RIMS2: variants seen among roughly 807,000 people sequenced by gnomAD.
RIMS2 encodes regulating synaptic membrane exocytosis protein 2.
A neutral mutation model predicts 174.4 loss-of-function variants in RIMS2; 59 were observed. The ratio of observed to expected loss-of-function variants is 0.34; its 90% confidence interval spans 0.27 to 0.42. RIMS2 has a LOEUF of 0.42. Ranked by LOEUF, RIMS2 falls within the 10% of genes least tolerant of loss-of-function variation. The probability of loss-of-function intolerance (pLI) is 1.00; values close to 1 mark genes in which losing one functional copy is unlikely to be tolerated. For missense variants in RIMS2, 1,620 were observed against 1,666.3 expected (o/e 0.97, Z 0.48); for synonymous variants, 606 against 572.5 (o/e 1.06, Z -0.84).
chr8:103,558,082 T>C (rs2090847072), intron 1 of RIMS2, among the ~76,000 whole-genome samples: 1 of 152,086 alleles, frequency 6.6e-6, no homozygotes, highest in Admixed American at 6.6e-5. Context: ...TTTTAACAAG[T>C]CAGCAAACTA....
At chr8:104,235,297 C>T (rs889202736) in intron 19 of RIMS2, among the ~76,000 whole-genome samples, 11 of 152,088 alleles carry the variant, frequency 7.2e-5, no homozygotes, top group African/African-American at 2.7e-4. Context: ...CTTTGAGAAG[C>T]AAGCTTAGGT....
intron 1 of RIMS2, among the ~76,000 whole-genome samples, chr8:103,687,799 A>G (rs1271914900): frequency 6.6e-6 from 1 of 152,096 alleles, no homozygotes; most frequent in Admixed American, 6.6e-5. Context: ...ACTTAACATA[A>G]TGTCCTCTGA....
At chr8:104,063,991 T>G (rs1290130927) in intron 19 of RIMS2, among the ~76,000 whole-genome samples, 1 of 152,178 alleles carries the variant, frequency 6.6e-6, no homozygotes, top group Non-Finnish European at 1.5e-5. Context: ...ATGATCTTTG[T>G]AGTACATGCG....
intron 19 of RIMS2, among the ~76,000 whole-genome samples, chr8:104,128,174 A>G (rs563368911): frequency 9.9e-5 from 15 of 152,270 alleles, no homozygotes; most frequent in East Asian, 1.9e-4. Context: ...ATGATCTGGC[A>G]CTAAATTTAA....
chr8:104,189,689 T>G (rs945766401), intron 19 of RIMS2, among the ~76,000 whole-genome samples: 2 of 150,918 alleles, frequency 1.3e-5, no homozygotes, highest in Non-Finnish European at 3.0e-5. Flanking sequence ...ATATACGCAT[T>G]TAAATTATAC....
At chr8:103,846,964 T>A (rs1211370397) in intron 3 of RIMS2, among the ~76,000 whole-genome samples, 1 of 152,130 alleles carries the variant, frequency 6.6e-6, no homozygotes, top group African/African-American at 2.4e-5. Context: ...CTAACCTGAA[T>A]GTCAAACATA....
At chr8:104,122,646 A>T (rs1290906119) in intron 19 of RIMS2, among the ~76,000 whole-genome samples, 1 of 152,182 alleles carries the variant, frequency 6.6e-6, no homozygotes, top group Non-Finnish European at 1.5e-5. Context: ...CCTGAAGCTA[A>T]TTGGAGAATG....
chr8:104,196,771 C>T (rs2136697870), intron 19 of RIMS2, among the ~76,000 whole-genome samples: 2 of 141,102 alleles, frequency 1.4e-5, no homozygotes, highest in Admixed American at 1.4e-4. Flanking sequence ...GATATAGATG[C>T]TTAACAAATA....
intron 16 of RIMS2, among the ~76,000 whole-genome samples, chr8:103,982,494 A>AG (rs1242195578): frequency 6.6e-6 from 1 of 151,160 alleles, no homozygotes; most frequent in African/African-American, 2.4e-5. Context: ...AGAAATCCAA[A>AG]AAAAAAAAAA....
intron 19 of RIMS2, among the ~76,000 whole-genome samples, chr8:104,028,836 C>T (rs764457866): frequency 1.5e-4 from 23 of 152,124 alleles, no homozygotes; most frequent in Admixed American, 1.2e-3. Flanking sequence ...AGAGGATTCT[C>T]GTATCTCAAA....
rs182779838 is a variant in RIMS2 at position 103,703,216 on chromosome 8, C to T, written c.387+5920C>T. Among the ~76,000 whole-genome samples the T allele has an allele frequency of 7.9e-5, 12 of 151,444 alleles. No individual in the cohort carries two copies. The East Asian group carries it at 9.7e-4, about 12-fold the overall frequency. On this transcript the variant is annotated intron_variant, in intron 2 of 23. Coordinates refer to ENST00000504942, the Ensembl canonical transcript of RIMS2. Reference sequence around the variant, plus strand: ...CTGGCTGGTTTCACTCTCACACTTCCGTCATTGTTTTTGTTTGTTTGTTTG... The same window carrying T: ...CTGGCTGGTTTCACTCTCACACTTCTGTCATTGTTTTTGTTTGTTTGTTTG...
At chr8:103,836,694 A>G (rs2098895082) in intron 3 of RIMS2, among the ~76,000 whole-genome samples, 1 of 152,220 alleles carries the variant, frequency 6.6e-6, no homozygotes, top group Admixed American at 6.5e-5. Flanking sequence ...ATGAACATAA[A>G]AATAGGACAC....
At chr8:103,501,977 A>G (rs1291101581) in intron 1 of RIMS2, among the ~76,000 whole-genome samples, 4 of 152,234 alleles carry the variant, frequency 2.6e-5, no homozygotes, top group Middle Eastern at 3.4e-3. Flanking sequence ...TAGCAAAGAG[A>G]TTTGTTTCTA....
At chr8:103,624,628 A>G (rs926420963) in intron 1 of RIMS2, among the ~76,000 whole-genome samples, 4 of 152,220 alleles carry the variant, frequency 2.6e-5, no homozygotes, top group African/African-American at 9.6e-5. Context: ...TATAGGTAAT[A>G]TTAATAGTGG....
At chr8:103,744,266 G>T (rs1284920166) in intron 2 of RIMS2, among the ~76,000 whole-genome samples, 1 of 151,836 alleles carries the variant, frequency 6.6e-6, no homozygotes, top group Non-Finnish European at 1.5e-5. Flanking sequence ...GGATGGTCTC[G>T]ATCTCTTGAC....
intron 1 of RIMS2, among the ~76,000 whole-genome samples, chr8:103,573,446 AGTTT>A (rs1258061779): frequency 6.6e-6 from 1 of 152,092 alleles, no homozygotes; most frequent in Non-Finnish European, 1.5e-5. Context: ...ATTGCTAGCC[AGTTT>A]GTTTATTACT....
At chr8:104,112,587 G>T (rs1407318485) in intron 19 of RIMS2, among the ~76,000 whole-genome samples, 2 of 152,132 alleles carry the variant, frequency 1.3e-5, no homozygotes, top group African/African-American at 4.8e-5. Context: ...TTAAGATTCT[G>T]TTGCTGCTCT....
chr8:103,737,175 CTTTTTTTTTT>C (rs554949027), intron 2 of RIMS2, among the ~76,000 whole-genome samples: 3 of 67,528 alleles, frequency 4.4e-5, no homozygotes, highest in African/African-American at 1.9e-4. Context: ...TTTCTTTGTT[CTTTTTTTTTT>C]TTTTTTTTTT....
chr8:103,635,781 C>G (rs757318244), intron 1 of RIMS2, among the ~76,000 whole-genome samples: 1 of 152,152 alleles, frequency 6.6e-6, no homozygotes, highest in Non-Finnish European at 1.5e-5. Context: ...AGCCCCCAGT[C>G]ATGTCACGCA....
Sources: gnomAD v4.1 joint callset for allele counts (sites outside exome capture counted in the v4.1 genomes callset) on GRCh38, gnomAD v4.1.1 for gene constraint, MANE v1.5 for transcripts, NCBI Gene and HGNC (gene_info 2026-07-23, HGNC 2026-07-21) for gene names.